EIF4E2: variants seen among roughly 807,000 people sequenced by gnomAD.
The protein encoded by EIF4E2 is eukaryotic translation initiation factor 4E type 2.
A neutral mutation model predicts 34.2 loss-of-function variants in EIF4E2; 13 were observed. That is an observed-to-expected ratio of 0.38 (90% CI 0.25 to 0.60). EIF4E2 has a LOEUF of 0.60. Ranked by LOEUF, EIF4E2 falls within the 20% of genes least tolerant of loss-of-function variation. The pLI, the probability that EIF4E2 is intolerant of heterozygous loss-of-function variation, is 0.62. For synonymous variants in EIF4E2, 100 were observed against 106.6 expected (o/e 0.94, Z 0.38); for missense variants, 222 against 315.1 (o/e 0.70, Z 2.24).
downstream of EIF4E2, chr2:232,569,251 G>A (rs1693033752): frequency 7.3e-7 from 1 of 1,364,028 alleles, no homozygotes; most frequent in Non-Finnish European, 9.5e-7. Context: ...CATCAAAGAT[G>A]TGGCCTTTCG....
chr2:232,567,057 T>C, intron 5 of EIF4E2, 21 bp from the exon 6 acceptor site: 2 of 1,609,818 alleles, frequency 1.2e-6, no homozygotes, highest in South Asian at 2.2e-5. Context: ...GCTTTGATGA[T>C]TCCTTCTGTT....
intron 1 of EIF4E2, among the ~76,000 whole-genome samples, chr2:232,552,480 G>T (rs562108259): frequency 1.5e-3 from 229 of 152,272 alleles, no homozygotes; most frequent in African/African-American, 4.9e-3. Context: ...AAAGTGCTGG[G>T]ATTACAGGCA....
chr2:232,562,954 C>T (rs1374684147), intron 3 of EIF4E2, among the ~76,000 whole-genome samples: 2 of 151,000 alleles, frequency 1.3e-5, no homozygotes, highest in Non-Finnish European at 3.0e-5. Flanking sequence ...ATGTAAGATG[C>T]ATCACGTGTG....
intron 3 of EIF4E2, chr2:232,558,876 C>G (rs996514571): frequency 1.3e-5 from 2 of 151,956 alleles, no homozygotes; most frequent in African/African-American, 4.8e-5. Context: ...GTCAGAGAGC[C>G]CAGACTGTCT....
chr2:232,551,992 A>G (rs923693063), intron 1 of EIF4E2, among the ~76,000 whole-genome samples: 3 of 152,008 alleles, frequency 2.0e-5, no homozygotes, highest in African/African-American at 7.3e-5. Context: ...TTTCATCTCT[A>G]TTGTAAACCC....
chr2:232,551,551 C>A (rs1692328760), intron 1 of EIF4E2, among the ~76,000 whole-genome samples: 1 of 152,194 alleles, frequency 6.6e-6, no homozygotes. Context: ...GTCCCAGATT[C>A]ACCACTTACC....
rs73101868 is a variant in EIF4E2 at position 232,577,850 on chromosome 2, A to G, written c.666-3054A>G. The stretch of plus-strand genomic sequence containing the variant: ...ATTGCTAGAGGGCTAGCTTTCAGGA[A>G]CTCACTGTGGATTTGCTAAATTTTA... On this transcript the variant is annotated intron_variant, in intron 6 of 6. Coordinates refer to the EIF4E2 transcript ENST00000409098. Among the ~76,000 whole-genome samples, 747 of 152,324 alleles carry G rather than the reference A, an allele frequency of 4.9e-3. 8 individuals are homozygous for G. The highest frequency in any genetic ancestry group is 0.017 in the African/African-American group (726 of 41,572).
chr2:232,574,938 A>C (rs1281380344), intron 6 of EIF4E2, among the ~76,000 whole-genome samples: 1 of 152,190 alleles, frequency 6.6e-6, no homozygotes, highest in Non-Finnish European at 1.5e-5. Context: ...GGGCCAACTA[A>C]AGCATTGACT....
intron 6 of EIF4E2, chr2:232,567,507 T>C (rs1692977404): frequency 1.6e-6 from 2 of 1,245,904 alleles, no homozygotes; most frequent in Middle Eastern, 3.0e-4. Flanking sequence ...TGCTAACCAC[T>C]ATCTTAAAAT....
chr2:232,557,917 C>CAGT lies in EIF4E2; in HGVS notation c.171_173dup (p.Gln57_Tyr58insTer). On this transcript the variant is annotated stop_gained and inframe_insertion, in exon 3 of 7. Transcript: ENST00000258416. LOFTEE classifies it high-confidence loss of function. ...CCCTGGACCGGCAGAGCATCCCCTG[C>CAGT]AGTACAACTACACTTTTTGGTACTC... 1 of 1,613,992 alleles carries CAGT rather than the reference C, an allele frequency of 6.2e-7. No individual in the cohort carries two copies. Among genetic ancestry groups the CAGT allele is most frequent in the Non-Finnish European group, 8.5e-7 (1 of 1,179,990 alleles).
intron 6 of EIF4E2, among the ~76,000 whole-genome samples, chr2:232,578,716 A>G (rs1330529954): frequency 6.6e-6 from 1 of 152,200 alleles, no homozygotes; most frequent in East Asian, 1.9e-4. Flanking sequence ...ACCTAGTACA[A>G]TAGAGAAATT....
At chr2:232,557,137 G>A (rs1037829911) in intron 2 of EIF4E2, among the ~76,000 whole-genome samples, 3 of 152,140 alleles carry the variant, frequency 2.0e-5, no homozygotes, top group Admixed American at 6.5e-5. Context: ...CCCAGCTACT[G>A]GGGAGGCTGA....
intron 1 of EIF4E2, 90 bp downstream of exon 1, chr2:232,550,834 C>A: frequency 7.9e-7 from 1 of 1,263,196 alleles, no homozygotes; most frequent in Non-Finnish European, 1.1e-6. Context: ...GCAAACCCTG[C>A]GGCACCGGCT....
At position 232,557,526 on chromosome 2, in the gene EIF4E2, C is replaced by T. The variant is rs564931747; in HGVS notation, c.136-358C>T. The T allele has an allele frequency of 8.5e-4, 182 of 214,824 alleles. 1 individual carries two copies. The highest frequency in any genetic ancestry group is 4.1e-3 in the African/African-American group (179 of 43,462). The allele number at this position is 214,824 out of a possible 1,614,324, so 13.3% of individuals were successfully genotyped here. A position where few individuals can be genotyped will look rare whatever the true frequency, so the allele number is the denominator to read the frequency against. The stretch of plus-strand genomic sequence containing the variant: ...GGTTGTTACAATTTTCCTCATTTTG[C>T]AGGTAAGAAGATGAGGCACAAACAG... On this transcript the variant is annotated intron_variant, in intron 2 of 6. Transcript: ENST00000258416.
chr2:232,551,035 G>T, intron 1 of EIF4E2: 1 of 617,698 alleles, frequency 1.6e-6, no homozygotes. Flanking sequence ...CCTGGTGGAT[G>T]CGGATTGCCT....
In EIF4E2 at chr2:232,569,033, G is replaced by A; in HGVS notation, c.*16G>A. 1 of 1,613,592 alleles carries A rather than the reference G, an allele frequency of 6.2e-7. No individual in the cohort carries two copies. The highest frequency in any genetic ancestry group is 8.5e-7 in the Non-Finnish European group (1 of 1,179,802). On this transcript the variant is annotated 3_prime_UTR_variant, in exon 7 of 7. Transcript: ENST00000258416. ...TGTGCCATGACCCTCTCCCTCTCTG[G>A]ATGGCACCATCATTGAAGCTGGCGT... is the stretch of plus-strand genomic sequence containing the variant.
At chr2:232,570,085 A>G (rs1693056467), downstream of EIF4E2, among the ~76,000 whole-genome samples, 1 of 152,166 alleles carries the variant, frequency 6.6e-6, no homozygotes, top group Admixed American at 6.5e-5. Context: ...CCTGCCTGAG[A>G]GGATCTGTGA....
chr2:232,553,052 A>G (rs1181041944), intron 1 of EIF4E2, among the ~76,000 whole-genome samples: 2 of 152,222 alleles, frequency 1.3e-5, no homozygotes, highest in Non-Finnish European at 2.9e-5. Flanking sequence ...TGAGTACAGT[A>G]GTATATAATC....
intron 6 of EIF4E2, chr2:232,580,822 C>T: frequency 7.7e-7 from 1 of 1,290,910 alleles, no homozygotes; most frequent in Non-Finnish European, 1.1e-6. Flanking sequence ...GCTGATGAGT[C>T]AGCATCCCCC....
Sources: gnomAD v4.1 joint callset for allele counts (sites outside exome capture counted in the v4.1 genomes callset) on GRCh38, gnomAD v4.1.1 for gene constraint, MANE v1.5 for transcripts, NCBI Gene and HGNC (gene_info 2026-07-23, HGNC 2026-07-21) for gene names.